GALNTL6: variants seen among roughly 807,000 people sequenced by gnomAD.
GALNTL6 encodes polypeptide N-acetylgalactosaminyltransferase like 6, also known as polypeptide N-acetylgalactosaminyltransferase-like 6.
In GALNTL6, 46 loss-of-function variants were observed where a neutral mutation model predicts 73.7. The observed-to-expected ratio is 0.62, with a 90% CI of 0.49 to 0.80. The LOEUF is 0.80. Among genes scored for constraint, GALNTL6 ranks in the 30% least tolerant of loss-of-function variants. The pLI is 0.00. For missense variants in GALNTL6, 604 were observed against 755.0 expected, an observed-to-expected ratio of 0.80 and a Z score of 2.34; for synonymous variants, 259 against 263.7, an observed-to-expected ratio of 0.98 and a Z score of 0.17.
At chr4:172,234,893 A>AT (rs1737189083) in intron 3 of GALNTL6, among the ~76,000 whole-genome samples, 1 of 152,068 alleles carries the variant, frequency 6.6e-6, no homozygotes, top group South Asian at 2.1e-4. Flanking sequence ...ATCATTATGG[A>AT]TTTTTTTGTG....
In GALNTL6 at chr4:172,367,758, GT is replaced by G. The variant is rs1726116644; in HGVS notation, c.553+19070del. On this transcript the variant is annotated intron_variant, in intron 5 of 12. Coordinates refer to ENST00000506823, the MANE Select transcript of GALNTL6 (RefSeq NM_001034845.3). ...TTTGTACATCTACAAATAAAATAAA[GT>G]CCTCATGAATTAAGTTATACTATAT... Among the ~76,000 whole-genome samples, 3 of 152,058 alleles carry G rather than the reference GT, an allele frequency of 2.0e-5. No individual in the cohort carries two copies. In the South Asian group the frequency reaches 6.2e-4, roughly 32 times the overall value.
chr4:172,559,974 A>C (rs1447424291), intron 5 of GALNTL6, among the ~76,000 whole-genome samples: 2 of 152,212 alleles, frequency 1.3e-5, no homozygotes, highest in East Asian at 3.8e-4. Flanking sequence ...TAAGACAATT[A>C]ATTCCAGGAT....
At chr4:172,911,691 AGTCT>A (rs1046319926) in intron 8 of GALNTL6, among the ~76,000 whole-genome samples, 6 of 152,238 alleles carry the variant, frequency 3.9e-5, no homozygotes, top group Non-Finnish European at 1.5e-5. Flanking sequence ...CTCACCAGCC[AGTCT>A]GAGATTCATT....
chr4:172,988,722 C>T (rs1751405646), intron 10 of GALNTL6, among the ~76,000 whole-genome samples: 1 of 152,256 alleles, frequency 6.6e-6, no homozygotes, highest in African/African-American at 2.4e-5. Flanking sequence ...AATCTTGAGA[C>T]ACTGCTCCCT....
chr4:172,499,876 A>G (rs1734200487), intron 5 of GALNTL6, among the ~76,000 whole-genome samples: 2 of 152,212 alleles, frequency 1.3e-5, no homozygotes, highest in Admixed American at 1.3e-4. Context: ...AAATACACTG[A>G]AAAGAAATGA....
chr4:172,361,189 TGTTA>T (rs1295485548), intron 5 of GALNTL6, among the ~76,000 whole-genome samples: 2 of 152,150 alleles, frequency 1.3e-5, no homozygotes, highest in African/African-American at 2.4e-5. Flanking sequence ...TAATCTATTT[TGTTA>T]GTTTTAGTGA....
intron 2 of GALNTL6, among the ~76,000 whole-genome samples, chr4:172,207,763 C>T (rs755479774): frequency 1.4e-4 from 21 of 152,162 alleles, no homozygotes; most frequent in Non-Finnish European, 2.9e-4. Context: ...TACAAATTCT[C>T]TCTAATGGGG....
In GALNTL6 at chr4:172,896,574, C is replaced by G. The variant is rs146965426; in HGVS notation, c.1041+13667C>G. 3.9e-5 allele frequency among the ~76,000 whole-genome samples: 6 copies of G among 152,266 alleles called. No homozygotes were observed. The East Asian group carries it at 9.7e-4, about 25-fold the overall frequency. ...AGATCCCTGCACAGGCAGGATGGAT[C>G]CTCAATTGCAACAAGGAGAACTTGG... On this transcript the variant is annotated intron_variant, in intron 8 of 12. Coordinates refer to ENST00000506823, the MANE Select transcript of GALNTL6 (RefSeq NM_001034845.3).
At chr4:172,738,262 G>A (rs1321815781) in intron 5 of GALNTL6, among the ~76,000 whole-genome samples, 5 of 152,176 alleles carry the variant, frequency 3.3e-5, no homozygotes, top group Admixed American at 6.5e-5. Flanking sequence ...AGTTGGAGGG[G>A]TGTCATCCTT....
chr4:173,031,298 G>C lies in GALNTL6; in HGVS notation c.1639-8635G>C, dbSNP rs1321785282. Among the ~76,000 whole-genome samples, 4 of 152,186 alleles carry C rather than the reference G, an allele frequency of 2.6e-5. No homozygotes were observed. In the East Asian group the frequency reaches 5.8e-4, roughly 22 times the overall value. On this transcript the variant is annotated intron_variant, in intron 12 of 12. Coordinates refer to ENST00000506823, the MANE Select transcript of GALNTL6 (RefSeq NM_001034845.3). ...TAGCCGCTACTATACCATGCATTCA[G>C]CAAGATAACTTCTGATTTGATTTTC...
chr4:173,020,570 G>T (rs748773801), intron 11 of GALNTL6, among the ~76,000 whole-genome samples: 6 of 152,148 alleles, frequency 3.9e-5, no homozygotes, highest in Non-Finnish European at 7.3e-5. Context: ...TTGCCCTGCA[G>T]AATTACTCTT....
At chr4:172,115,281 T>A (rs1289413470) in intron 2 of GALNTL6, among the ~76,000 whole-genome samples, 2 of 152,108 alleles carry the variant, frequency 1.3e-5, no homozygotes, top group African/African-American at 4.8e-5. Context: ...TAATAAGATA[T>A]AAAATAGGGT....
At chr4:172,687,334 GT>G (rs1373642499) in intron 5 of GALNTL6, among the ~76,000 whole-genome samples, 1 of 152,100 alleles carries the variant, frequency 6.6e-6, no homozygotes, top group African/African-American at 2.4e-5. Flanking sequence ...AATTAGCCCT[GT>G]TAATAATTTC....
At chr4:172,334,397 C>T (rs1741236824) in intron 4 of GALNTL6, among the ~76,000 whole-genome samples, 1 of 151,980 alleles carries the variant, frequency 6.6e-6, no homozygotes, top group Non-Finnish European at 1.5e-5. Context: ...GTATATTTTT[C>T]CATTTGTTTT....
At chr4:172,654,559 T>C (rs1168144491) in intron 5 of GALNTL6, among the ~76,000 whole-genome samples, 1 of 152,210 alleles carries the variant, frequency 6.6e-6, no homozygotes, top group Non-Finnish European at 1.5e-5. Context: ...CCTTGGTGAA[T>C]CTCTACTGTC....
intron 8 of GALNTL6, among the ~76,000 whole-genome samples, chr4:172,895,678 CT>C (rs1485499494): frequency 6.6e-6 from 1 of 152,068 alleles, no homozygotes; most frequent in African/African-American, 2.4e-5. Flanking sequence ...TTGGAAAGCT[CT>C]TTGTTATTAG....
chr4:172,728,002 TC>T (rs1735923596), intron 5 of GALNTL6, among the ~76,000 whole-genome samples: 2 of 152,054 alleles, frequency 1.3e-5, no homozygotes, highest in Non-Finnish European at 1.5e-5. Flanking sequence ...AACCTCCGCC[TC>T]CTGGGTTCAA....
intron 5 of GALNTL6, among the ~76,000 whole-genome samples, chr4:172,709,639 T>C (rs1442175638): frequency 1.3e-5 from 2 of 152,106 alleles, no homozygotes; most frequent in Non-Finnish European, 2.9e-5. Context: ...CTCCCCTGCC[T>C]ACCTTCCCAC....
At chr4:171,869,005 C>CAG (rs977081060) in intron 2 of GALNTL6, among the ~76,000 whole-genome samples, 39 of 152,110 alleles carry the variant, frequency 2.6e-4, no homozygotes, top group African/African-American at 9.4e-4. Context: ...TCAACTTTCC[C>CAG]AGAGAGAGAG....
Sources: gnomAD v4.1 joint callset for allele counts (sites outside exome capture counted in the v4.1 genomes callset) on GRCh38, gnomAD v4.1.1 for gene constraint, MANE v1.5 for transcripts, NCBI Gene and HGNC (gene_info 2026-07-23, HGNC 2026-07-21) for gene names.